Variants in STN1 observed in about 807,000 individuals in gnomAD.
The protein encoded by STN1 is CST complex subunit STN1.
In STN1, 29 loss-of-function variants were observed where a neutral mutation model predicts 45.5. That is an observed-to-expected ratio of 0.64 (90% CI 0.47 to 0.87). The LOEUF is 0.87. STN1 is among the 40% of genes least tolerant of loss of function. The probability of loss-of-function intolerance (pLI) is 0.00; values close to 1 mark genes in which losing one functional copy is unlikely to be tolerated. For missense variants in STN1, 376 were observed against 441.4 expected (o/e 0.85, Z 1.33); for synonymous variants, 148 against 159.0 (o/e 0.93, Z 0.52).
At chr10:103,894,447 A>G (rs889630152) in intron 7 of STN1, among the ~76,000 whole-genome samples, 1 of 152,194 alleles carries the variant, frequency 6.6e-6, no homozygotes, top group Non-Finnish European at 1.5e-5. Flanking sequence ...CAAGGACTCA[A>G]CAGAAATGGC....
Position 103,899,832 on chromosome 10 carries a change from T to C in STN1, c.457+230A>G, listed in dbSNP as rs1363997182. On this transcript the variant is annotated intron_variant, in intron 5 of 9. Transcript: ENST00000224950. Reference sequence around the variant, plus strand: ...CATCCAAATAAACTTGCCAACCATATATAAAGTAAATAATTCATTTTCTTT... The same window carrying C: ...CATCCAAATAAACTTGCCAACCATACATAAAGTAAATAATTCATTTTCTTT... 1.3e-5 allele frequency: 6 copies of C among 467,988 alleles called. No individual in the cohort carries two copies. In the Middle Eastern group the frequency reaches 1.7e-3, roughly 131 times the overall value. 29.0% of individuals were successfully genotyped at this position (467,988 alleles called of 1,614,324 possible).
chr10:103,881,436 G>T lies in STN1; in HGVS notation c.*1248C>A, dbSNP rs1843068011. 1.3e-5 allele frequency among the ~76,000 whole-genome samples: 2 copies of T among 152,196 alleles called. No homozygotes were observed. ...GGACCCTTCTGTACACAGAGAAGAT[G>T]CAGGGCAGCCACTACATAATCACTG... is the stretch of plus-strand genomic sequence containing the variant. On this transcript the variant is annotated 3_prime_UTR_variant, in exon 10 of 10. Transcript: ENST00000224950.
At chr10:103,887,262 G>T (rs2134357351) in intron 9 of STN1, among the ~76,000 whole-genome samples, 1 of 152,324 alleles carries the variant, frequency 6.6e-6, no homozygotes, top group South Asian at 2.1e-4. Flanking sequence ...AATACAAGGT[G>T]TAGGACAATG....
At chr10:103,917,727 T>C (rs984036512) in intron 1 of STN1, 71 bp from the exon 2 acceptor site, 15 of 1,008,064 alleles carry the variant, frequency 1.5e-5, no homozygotes, top group Non-Finnish European at 2.2e-5. Flanking sequence ...CTGACGCTGC[T>C]CCCAGGTGGG....
chr10:103,884,362 T>C (rs554089803), intron 9 of STN1, among the ~76,000 whole-genome samples: 1 of 152,148 alleles, frequency 6.6e-6, no homozygotes, highest in Non-Finnish European at 1.5e-5. Context: ...AGAGCAGAAA[T>C]AGAACGTTAC....
At chr10:103,917,813 G>A (rs1843344514) in intron 1 of STN1, 157 bp from the exon 2 acceptor site, 12 of 525,150 alleles carry the variant, frequency 2.3e-5, no homozygotes, top group Non-Finnish European at 4.1e-5. Flanking sequence ...CGTGTTAAGA[G>A]GCGTTCCTCA....
chr10:103,892,568 C>T (rs187320310), intron 7 of STN1, among the ~76,000 whole-genome samples: 23 of 151,900 alleles, frequency 1.5e-4, no homozygotes, highest in African/African-American at 5.1e-4. Flanking sequence ...ATTTTTTATA[C>T]AAAACCAAAA....
Position 103,897,583 on chromosome 10 carries a change from T to C in STN1, c.718A>G (p.Asn240Asp), listed in dbSNP as rs372504367. Residue 240 changes from asparagine (N) to aspartate (D), a missense_variant, in exon 7 of 10, where the codon AAT becomes GAT. Coordinates refer to ENST00000224950, the MANE Select transcript of STN1 (RefSeq NM_024928.5). ...EMVESLLSLA[N>D]QPVIHSASSD... Reference sequence around the variant, plus strand: ...GAGGCACTGTGAATCACAGGCTGATTGGCAAGGGACAGCAAAGACTCCACC... The same window carrying C: ...GAGGCACTGTGAATCACAGGCTGATCGGCAAGGGACAGCAAAGACTCCACC... The C allele has an allele frequency of 3.4e-5, 55 of 1,614,038 alleles. No individual in the cohort carries two copies. Among genetic ancestry groups the C allele is most frequent in the African/African-American group, 8.0e-5 (6 of 74,932 alleles).
intron 3 of STN1, among the ~76,000 whole-genome samples, chr10:103,909,450 A>G (rs11191856): frequency 8.1e-5 from 7 of 86,580 alleles, no homozygotes; most frequent in East Asian, 4.2e-4. Context: ...ATATGTATAT[A>G]TGTATATATG....
Position 103,880,095 on chromosome 10 carries a change from C to T in STN1, c.*2589G>A, listed in dbSNP as rs959401404. Among the ~76,000 whole-genome samples, 6 of 152,188 alleles carry T rather than the reference C, an allele frequency of 3.9e-5. No homozygotes were observed. The highest frequency in any genetic ancestry group is 2.0e-4 in the Admixed American group (3 of 15,282). On this transcript the variant is annotated 3_prime_UTR_variant, in exon 10 of 10. Coordinates refer to ENST00000224950, the MANE Select transcript of STN1 (RefSeq NM_024928.5). ...GGCTTCCACACTGGTTGAGTTCTTG[C>T]CCAGCACCAAAGAAGAATGAGAATG...
intron 3 of STN1, among the ~76,000 whole-genome samples, chr10:103,908,528 G>A (rs1368083697): frequency 3.3e-5 from 5 of 152,206 alleles, no homozygotes; most frequent in Non-Finnish European, 7.3e-5. Context: ...CGGCCACCTG[G>A]CAGATGGCCC....
rs924987480 is a variant in STN1 at position 103,881,442 on chromosome 10, C to A, written c.*1242G>T. On this transcript the variant is annotated 3_prime_UTR_variant, in exon 10 of 10. Transcript: ENST00000224950. The stretch of plus-strand genomic sequence containing the variant: ...TTCTGTACACAGAGAAGATGCAGGG[C>A]AGCCACTACATAATCACTGTTAGAA... 2.0e-5 allele frequency among the ~76,000 whole-genome samples: 3 copies of A among 152,218 alleles called. No individual in the cohort carries two copies. The highest frequency in any genetic ancestry group is 7.2e-5 in the African/African-American group (3 of 41,446).
chr10:103,915,105 C>G (rs1843322065), intron 2 of STN1, among the ~76,000 whole-genome samples: 1 of 152,226 alleles, frequency 6.6e-6, no homozygotes, highest in African/African-American at 2.4e-5. Flanking sequence ...AAGGCAGGGT[C>G]TGGGAGGGCA....
chr10:103,882,190 G>A lies in STN1; in HGVS notation c.*494C>T, dbSNP rs954617441. On this transcript the variant is annotated 3_prime_UTR_variant, in exon 10 of 10. Coordinates refer to ENST00000224950, the MANE Select transcript of STN1 (RefSeq NM_024928.5). ...CAGAAACTGTAAGCACTCATCCAGG[G>A]AGAACTACTCCCCTAAACCGGTTCT... Among the ~76,000 whole-genome samples, 3 of 143,744 alleles carry A rather than the reference G, an allele frequency of 2.1e-5. No homozygotes were observed. Among genetic ancestry groups the A allele is most frequent in the African/African-American group, 7.6e-5 (3 of 39,710 alleles). The allele number at this position is 143,744 out of a possible 152,430, so 94.3% of individuals were successfully genotyped here.
chr10:103,917,411 G>A, intron 2 of STN1, 51 bp downstream of exon 2: 1 of 1,571,874 alleles, frequency 6.4e-7, no homozygotes, highest in East Asian at 2.2e-5. Context: ...GAGACTTTGG[G>A]AAAGGGTGGC....
At chr10:103,901,144 T>C (rs1017001906) in intron 4 of STN1, among the ~76,000 whole-genome samples, 1 of 152,222 alleles carries the variant, frequency 6.6e-6, no homozygotes. Context: ...CCCAGGAAGA[T>C]ACTCACATTT....
chr10:103,885,762 G>C (rs1843099216), intron 9 of STN1, among the ~76,000 whole-genome samples: 1 of 152,082 alleles, frequency 6.6e-6, no homozygotes, highest in Non-Finnish European at 1.5e-5. Flanking sequence ...AGCTCCCCAG[G>C]GGTTAGTACA....
At chr10:103,883,545 A>G (rs542638493) in intron 9 of STN1, among the ~76,000 whole-genome samples, 1 of 152,232 alleles carries the variant, frequency 6.6e-6, no homozygotes, top group African/African-American at 2.4e-5. Flanking sequence ...TTTAATTATC[A>G]GGCCCAGAGA....
chr10:103,902,233 G>C (rs1843214453), intron 4 of STN1, among the ~76,000 whole-genome samples: 1 of 152,116 alleles, frequency 6.6e-6, no homozygotes, highest in Non-Finnish European at 1.5e-5. Flanking sequence ...GCTGCTCAGA[G>C]CTTACTGGGT....
Sources: gnomAD v4.1 joint callset for allele counts (sites outside exome capture counted in the v4.1 genomes callset) on GRCh38, gnomAD v4.1.1 for gene constraint, MANE v1.5 for transcripts, NCBI Gene and HGNC (gene_info 2026-07-23, HGNC 2026-07-21) for gene names.